Variants in ARHGEF26 observed in about 807,000 individuals in gnomAD.
The protein encoded by ARHGEF26 is Rho guanine nucleotide exchange factor 26.
A neutral mutation model predicts 89.4 loss-of-function variants in ARHGEF26; 59 were observed. The ratio of observed to expected loss-of-function variants is 0.66; its 90% confidence interval spans 0.54 to 0.82. The LOEUF (loss-of-function observed/expected upper bound fraction) is 0.82, where lower values mean the gene tolerates loss of function less well. Ranked by LOEUF, ARHGEF26 falls within the 40% of genes least tolerant of loss-of-function variation. ARHGEF26 has a pLI of 0.00. For missense variants in ARHGEF26, 1,234 were observed against 1,085.6 expected, an observed-to-expected ratio of 1.14 and a Z score of -1.92; for synonymous variants, 500 against 428.4, an observed-to-expected ratio of 1.17 and a Z score of -2.06.
intron 11 of ARHGEF26, among the ~76,000 whole-genome samples, chr3:154,239,295 A>AGTGTGTGT (rs1717335546): frequency 3.4e-5 from 2 of 58,696 alleles, no homozygotes; most frequent in African/African-American, 1.2e-4. Context: ...AGAGAGAGAG[A>AGTGTGTGT]GAGAGTGTGT....
intron 4 of ARHGEF26, among the ~76,000 whole-genome samples, chr3:154,143,108 T>G (rs1719482899): frequency 6.6e-6 from 1 of 152,208 alleles, no homozygotes; most frequent in Non-Finnish European, 1.5e-5. Flanking sequence ...AAGTAGTATT[T>G]TAGTTTTTGT....
At chr3:154,252,781 T>C (rs1259000501) in intron 12 of ARHGEF26, among the ~76,000 whole-genome samples, 1 of 152,242 alleles carries the variant, frequency 6.6e-6, no homozygotes, top group African/African-American at 2.4e-5. Context: ...TTTGAAATGT[T>C]AAACATCAAA....
chr3:154,253,939 T>TTTTG (rs573652517), intron 13 of ARHGEF26, among the ~76,000 whole-genome samples: 1 of 152,150 alleles, frequency 6.6e-6, no homozygotes, highest in Admixed American at 6.5e-5. Context: ...CATGTCAGCA[T>TTTTG]TTTGTTTGTT....
intron 11 of ARHGEF26, among the ~76,000 whole-genome samples, chr3:154,239,281 A>AGT: frequency 9.7e-6 from 1 of 103,488 alleles, no homozygotes; most frequent in South Asian, 4.5e-4. Context: ...AGAGAGAGAG[A>AGT]GAGAGAGAGA....
chr3:154,141,325 T>C (rs1719369562), intron 4 of ARHGEF26, among the ~76,000 whole-genome samples: 1 of 152,174 alleles, frequency 6.6e-6, no homozygotes, highest in Non-Finnish European at 1.5e-5. Context: ...ACAGTTTAGT[T>C]GCCCAGTTTA....
chr3:154,201,399 A>G (rs1444466356), intron 9 of ARHGEF26, among the ~76,000 whole-genome samples: 7 of 152,038 alleles, frequency 4.6e-5, no homozygotes, highest in Non-Finnish European at 8.8e-5. Flanking sequence ...AATCCAGTCT[A>G]TCATTGTTGG....
chr3:154,188,630 AC>A (rs1302582322), intron 7 of ARHGEF26, among the ~76,000 whole-genome samples: 1 of 151,750 alleles, frequency 6.6e-6, no homozygotes, highest in African/African-American at 2.4e-5. Context: ...TATCGTTCTC[AC>A]CCCCTCCTGT....
At chr3:154,248,928 A>G (rs1163842767) in intron 12 of ARHGEF26, among the ~76,000 whole-genome samples, 1 of 152,140 alleles carries the variant, frequency 6.6e-6, no homozygotes, top group East Asian at 1.9e-4. Flanking sequence ...TTTCTGAACT[A>G]ATCTAGTTGA....
At chr3:154,183,648 A>G (rs1487312668) in intron 6 of ARHGEF26, among the ~76,000 whole-genome samples, 1 of 152,264 alleles carries the variant, frequency 6.6e-6, no homozygotes, top group Non-Finnish European at 1.5e-5. Flanking sequence ...ATCATTTAAC[A>G]TAGAAAGCTT....
intron 5 of ARHGEF26, 58 bp from the exon 6 acceptor site, chr3:154,152,714 T>A: frequency 7.9e-7 from 1 of 1,263,060 alleles, no homozygotes; most frequent in Middle Eastern, 2.8e-4. Context: ...TTATGAGAGC[T>A]ATATTTAGTT....
At position 154,161,052 on chromosome 3, in the gene ARHGEF26, C is replaced by T. The variant is rs567276723; in HGVS notation, c.1487+8120C>T. 5.3e-5 allele frequency among the ~76,000 whole-genome samples: 8 copies of T among 149,740 alleles called. No individual in the cohort carries two copies. In the East Asian group the frequency reaches 1.6e-3, roughly 30 times the overall value. On this transcript the variant is annotated intron_variant, in intron 6 of 14. Transcript: ENST00000465093. ...AACGAAGGTATAGTGGCAGTTGGCA[C>T]CCACAGCCTTCTGCGCTACTCTCCT...
At chr3:154,140,586 T>A (rs1370801973) in intron 4 of ARHGEF26, among the ~76,000 whole-genome samples, 1 of 100,470 alleles carries the variant, frequency 1.0e-5, no homozygotes, top group South Asian at 4.7e-4. Context: ...GGTTTCTGAG[T>A]GCTTTTTTTT....
chr3:154,193,915 A>G (rs186164896), intron 8 of ARHGEF26, among the ~76,000 whole-genome samples: 10 of 151,316 alleles, frequency 6.6e-5, no homozygotes, highest in East Asian at 2.0e-4. Flanking sequence ...GCTCGCTGCA[A>G]CCTCCACCTC....
chr3:154,132,962 A>G (rs1185422121), intron 4 of ARHGEF26, among the ~76,000 whole-genome samples: 1 of 152,168 alleles, frequency 6.6e-6, no homozygotes, highest in Non-Finnish European at 1.5e-5. Flanking sequence ...AGTTCGGCAT[A>G]TACCTTCACT....
chr3:154,188,132 C>T lies in ARHGEF26; in HGVS notation c.1640+295C>T, dbSNP rs571545774. Among the ~76,000 whole-genome samples the T allele has an allele frequency of 2.0e-4, 30 of 152,164 alleles. 1 individual carries two copies. The highest frequency in any genetic ancestry group is 4.6e-4 in the African/African-American group (19 of 41,516). Reference sequence around the variant, plus strand: ...ACAGAGGTGGTCCTCACTCTAAACCCGCAGTTTTCTAAGCTTTTTACTGGC... The same window carrying T: ...ACAGAGGTGGTCCTCACTCTAAACCTGCAGTTTTCTAAGCTTTTTACTGGC... On this transcript the variant is annotated intron_variant, in intron 7 of 14. Coordinates refer to ENST00000465093, the MANE Select transcript of ARHGEF26 (RefSeq NM_015595.4).
At chr3:154,227,487 C>T (rs1716565334) in intron 11 of ARHGEF26, among the ~76,000 whole-genome samples, 1 of 146,990 alleles carries the variant, frequency 6.8e-6, no homozygotes, top group Non-Finnish European at 1.5e-5. Context: ...TTCACCATGT[C>T]AGCTAGGATG....
intron 6 of ARHGEF26, among the ~76,000 whole-genome samples, chr3:154,178,355 C>T (rs1453098198): frequency 6.6e-6 from 1 of 152,134 alleles, no homozygotes; most frequent in Non-Finnish European, 1.5e-5. Context: ...GATTTCATCA[C>T]CTCAAAAAGA....
chr3:154,219,089 T>C (rs1715956924), intron 10 of ARHGEF26, among the ~76,000 whole-genome samples: 1 of 152,236 alleles, frequency 6.6e-6, no homozygotes, highest in Non-Finnish European at 1.5e-5. Flanking sequence ...TTAATGTTCT[T>C]GTACAGAATT....
intron 6 of ARHGEF26, among the ~76,000 whole-genome samples, chr3:154,161,145 T>TAC (rs1711640141): frequency 6.6e-6 from 1 of 151,320 alleles, no homozygotes; most frequent in African/African-American, 2.4e-5. Flanking sequence ...TGTGTGTGTG[T>TAC]ACACTTTGTC....
Sources: gnomAD v4.1 joint callset for allele counts (sites outside exome capture counted in the v4.1 genomes callset) on GRCh38, gnomAD v4.1.1 for gene constraint, MANE v1.5 for transcripts, NCBI Gene and HGNC (gene_info 2026-07-23, HGNC 2026-07-21) for gene names.